Variants in GTF3C3 observed in about 807,000 individuals in gnomAD.
The protein encoded by GTF3C3 is general transcription factor IIIC subunit 3, also known as general transcription factor 3C polypeptide 3.
In GTF3C3, 75 loss-of-function variants were observed where a neutral mutation model predicts 105.2. The ratio of observed to expected loss-of-function variants is 0.71; its 90% CI spans 0.59 to 0.86. The LOEUF (loss-of-function observed/expected upper bound fraction) is 0.86. Among genes scored for constraint, GTF3C3 ranks in the 40% least tolerant of loss-of-function variants. The probability of loss-of-function intolerance (pLI) is 0.00; values close to 1 mark genes in which losing one functional copy is unlikely to be tolerated. For synonymous variants in GTF3C3, 335 were observed against 370.4 expected (o/e 0.90, Z 1.10); for missense variants, 856 against 1,076.5 (o/e 0.80, Z 2.87).
At position 196,764,551 on chromosome 2, in the gene GTF3C3, A is replaced by C; in HGVS notation, c.*12T>G. The C allele has an allele frequency of 6.2e-7, 1 of 1,612,264 alleles. No homozygotes were observed. The highest frequency in any genetic ancestry group is 8.5e-7 in the Non-Finnish European group (1 of 1,178,816). ...CAGCAGCTGCCATTGCTCTGTTCTC[A>C]GTTGCGGTGCTTTATATAGAACAAT... On this transcript the variant is annotated 3_prime_UTR_variant, in exon 18 of 18. Coordinates refer to ENST00000263956, the MANE Select transcript of GTF3C3 (RefSeq NM_012086.5).
At chr2:196,780,047 CCTT>C (rs1699320092) in intron 9 of GTF3C3, 1 of 154,756 alleles carries the variant, frequency 6.5e-6, no homozygotes, top group African/African-American at 2.4e-5. Context: ...TTATTTTCCT[CCTT>C]TTTTTTCCAG....
At chr2:196,765,782 G>A (rs113377426) in intron 17 of GTF3C3, among the ~76,000 whole-genome samples, 265 of 151,778 alleles carry the variant, frequency 1.7e-3, no homozygotes, top group Admixed American at 6.0e-3. Context: ...AGGCTGAGGC[G>A]GGCGGATCAC....
rs142858900 is a variant in GTF3C3 at position 196,780,558 on chromosome 2, C to T, written c.1218+1G>A. The T allele has an allele frequency of 2.5e-6, 4 of 1,612,148 alleles. No homozygotes were observed. Among genetic ancestry groups the T allele is most frequent in the African/African-American group, 2.7e-5 (2 of 74,848 alleles). On this transcript the variant is annotated splice_donor_variant, in intron 9 of 17. Coordinates refer to ENST00000263956, the MANE Select transcript of GTF3C3 (RefSeq NM_012086.5). LOFTEE classifies it high-confidence loss of function. Reference sequence around the variant, plus strand: ...TCTCAAGTGCAGATCTTGTTACATACATTAAGTGGTTCAAGAATGTTGAGA... The same window carrying T: ...TCTCAAGTGCAGATCTTGTTACATATATTAAGTGGTTCAAGAATGTTGAGA...
At position 196,776,686 on chromosome 2, in the gene GTF3C3, CAATT is replaced by C; in HGVS notation, c.1391-61_1391-58del. On this transcript the variant is annotated intron_variant, in intron 10 of 17. Transcript: ENST00000263956. The surrounding 1 kb of genome is among the most constrained non-coding windows in gnomAD (Gnocchi z 4.5). ...GAACTACAGATTTGTAAACTGGCCA[CAATT>C]ACTCTTCCATTTTAAAAGAAATATA... The C allele has an allele frequency of 8.6e-7, 1 of 1,168,524 alleles. No homozygotes were observed. Among genetic ancestry groups the C allele is most frequent in the African/African-American group, 1.5e-5 (1 of 65,314 alleles). The allele number at this position is 1,168,524 out of a possible 1,614,324, so 72.4% of individuals were successfully genotyped here.
intron 1 of GTF3C3, among the ~76,000 whole-genome samples, chr2:196,799,085 G>A (rs1699700474): frequency 6.6e-6 from 1 of 151,968 alleles, no homozygotes; most frequent in Non-Finnish European, 1.5e-5. Context: ...TCAAAAACAG[G>A]AGCTCAATCG....
chr2:196,764,807 TA>T (rs56828869), intron 17 of GTF3C3, 122 bp from the exon 18 acceptor site: 126,123 of 677,648 alleles, frequency 0.19, 14,854 homozygotes, highest in African/African-American at 0.43. Flanking sequence ...GCTCATGTAC[TA>T]AAAAAAAATT....
chr2:196,797,401 T>C (rs1699665971), intron 2 of GTF3C3, among the ~76,000 whole-genome samples: 1 of 152,212 alleles, frequency 6.6e-6, no homozygotes, highest in South Asian at 2.1e-4. Flanking sequence ...CACGCTAACA[T>C]TTCTATCTTT....
chr2:196,779,097 A>T, intron 9 of GTF3C3, 30 bp from the exon 10 acceptor site: 9 of 1,581,836 alleles, frequency 5.7e-6, no homozygotes, highest in Non-Finnish European at 7.8e-6. Flanking sequence ...CCCAAGTTAA[A>T]CATTCATTAC....
At chr2:196,767,918 T>C (rs1395608101) in intron 16 of GTF3C3, among the ~76,000 whole-genome samples, 1 of 152,244 alleles carries the variant, frequency 6.6e-6, no homozygotes, top group Non-Finnish European at 1.5e-5. Context: ...TGAAAGACTA[T>C]TCAAATAATA....
chr2:196,789,067 A>G (rs1576033220), intron 6 of GTF3C3, 137 bp downstream of exon 6: 2 of 703,478 alleles, frequency 2.8e-6, no homozygotes, highest in East Asian at 2.8e-5. Context: ...CCCTGTCTCA[A>G]TAAACAAAAC....
chr2:196,765,068 A>G (rs934211660), intron 17 of GTF3C3, among the ~76,000 whole-genome samples: 3 of 152,222 alleles, frequency 2.0e-5, no homozygotes, highest in Non-Finnish European at 2.9e-5. Context: ...ATGACTTCAT[A>G]AAAAACTTCT....
chr2:196,767,748 T>A (rs1423391035), intron 16 of GTF3C3, among the ~76,000 whole-genome samples: 2 of 152,168 alleles, frequency 1.3e-5, no homozygotes, highest in Non-Finnish European at 2.9e-5. Flanking sequence ...CAAGTATTCA[T>A]AGTTAAAAAT....
At chr2:196,788,901 C>A (rs1005773410) in intron 6 of GTF3C3, among the ~76,000 whole-genome samples, 1 of 150,952 alleles carries the variant, frequency 6.6e-6, no homozygotes, top group African/African-American at 2.4e-5. Flanking sequence ...CCTGTCTCTA[C>A]AAAAAAAAAT....
At position 196,775,270 on chromosome 2, in the gene GTF3C3, T is replaced by C. The variant is rs762023962; in HGVS notation, c.1696-19A>G. The stretch of plus-strand genomic sequence containing the variant: ...TTGCTACCTGAATTAAAGATGAAGA[T>C]TTCAGATTCTTTAAACAATAACTGT... On this transcript the variant is annotated intron_variant, in intron 12 of 17. Transcript: ENST00000263956. 2 of 1,589,822 alleles carry C rather than the reference T, an allele frequency of 1.3e-6. No individual in the cohort carries two copies. The highest frequency in any genetic ancestry group is 3.6e-5 in the Admixed American group (2 of 54,962).
chr2:196,795,973 C>T (rs1699636757), intron 2 of GTF3C3, among the ~76,000 whole-genome samples: 1 of 152,138 alleles, frequency 6.6e-6, no homozygotes, highest in African/African-American at 2.4e-5. Context: ...TTTAATATAT[C>T]AGCAAATGAA....
intron 7 of GTF3C3, 52 bp from the exon 8 acceptor site, chr2:196,784,981 T>C (rs766842084): frequency 7.6e-6 from 9 of 1,178,698 alleles, no homozygotes; most frequent in Non-Finnish European, 1.1e-5. Flanking sequence ...AAAAACCATT[T>C]CATAATGCAA....
chr2:196,764,806 C>A, intron 17 of GTF3C3, 121 bp from the exon 18 acceptor site: 1 of 750,050 alleles, frequency 1.3e-6, no homozygotes, highest in Non-Finnish European at 2.1e-6. Flanking sequence ...AGCTCATGTA[C>A]TAAAAAAAAA....
At chr2:196,795,693 T>C (rs1052038177) in intron 2 of GTF3C3, among the ~76,000 whole-genome samples, 2 of 152,220 alleles carry the variant, frequency 1.3e-5, no homozygotes, top group Non-Finnish European at 2.9e-5. Flanking sequence ...ACAAAAATTT[T>C]CCACAAACAC....
chr2:196,796,308 T>C (rs1699642806), intron 2 of GTF3C3, among the ~76,000 whole-genome samples: 1 of 152,190 alleles, frequency 6.6e-6, no homozygotes, highest in African/African-American at 2.4e-5. Flanking sequence ...GAGCCTGAAT[T>C]GGACTCAGCT....
Sources: gnomAD v4.1 joint callset for allele counts (sites outside exome capture counted in the v4.1 genomes callset) on GRCh38, gnomAD v4.1.1 for gene constraint, Gnocchi (gnomAD v3.1) non-coding constraint, MANE v1.5 for transcripts, NCBI Gene and HGNC (gene_info 2026-07-23, HGNC 2026-07-21) for gene names.